NOX4: variants seen among roughly 807,000 people sequenced by gnomAD.
NOX4 encodes NADPH oxidase 4.
A neutral mutation model predicts 87.6 loss-of-function variants in NOX4; 69 were observed. The ratio of observed to expected loss-of-function variants is 0.79; its 90% CI spans 0.65 to 0.96. The LOEUF (loss-of-function observed/expected upper bound fraction) is 0.96, where lower values mean the gene tolerates loss of function less well. Among genes scored for constraint, NOX4 ranks in the 40% least tolerant of loss-of-function variants. The pLI is 0.00. For missense variants in NOX4, 680 were observed against 681.5 expected (o/e 1.00, Z 0.02); for synonymous variants, 275 against 238.2 (o/e 1.15, Z -1.42).
Position 89,490,376 on chromosome 11 carries a change from T to G in NOX4, c.153+82A>C, listed in dbSNP as rs978799074. ...AAGTGAAGAGTGCACATTTCTTTAA[T>G]GAATGGAACTGACCAAACCTGTAGC... On this transcript the variant is annotated intron_variant, in intron 2 of 17. Transcript: ENST00000263317. 3.3e-6 allele frequency: 3 copies of G among 918,146 alleles called. No individual in the cohort carries two copies. In the African/African-American group the frequency reaches 4.9e-5, roughly 15 times the overall value. 56.9% of individuals were successfully genotyped at this position (918,146 alleles called of 1,614,324 possible). A position where few individuals can be genotyped will look rare whatever the true frequency, so the allele number is the denominator to read the frequency against.
chr11:89,397,084 G>C lies in NOX4; in HGVS notation c.1074+2933C>G, dbSNP rs532802386. Among the ~76,000 whole-genome samples the C allele has an allele frequency of 8.6e-5, 13 of 152,028 alleles. No homozygotes were observed. In the South Asian group the frequency reaches 2.7e-3, roughly 32 times the overall value. ...TAGCTGGAAGTAAAGCACTCCTCAG[G>C]AAATGTATAAGAAGAGAAATCACAA... On this transcript the variant is annotated intron_variant, in intron 11 of 17. Transcript: ENST00000263317.
At chr11:89,574,155 C>A in the NOX4 span, among the ~76,000 whole-genome samples, 2 of 152,110 alleles carry the variant, frequency 1.3e-5, no homozygotes, top group Admixed American at 6.6e-5. Flanking sequence ...ATTGTCAAAC[C>A]ATCACTTGAC....
At chr11:89,459,607 G>C (rs951749321) in intron 2 of NOX4, among the ~76,000 whole-genome samples, 4 of 152,050 alleles carry the variant, frequency 2.6e-5, no homozygotes, top group Admixed American at 6.6e-5. Context: ...TACAAGGGAT[G>C]TGAAGGACCT....
At chr11:89,406,688 G>A (rs1316456266) in intron 8 of NOX4, among the ~76,000 whole-genome samples, 4 of 152,044 alleles carry the variant, frequency 2.6e-5, no homozygotes, top group African/African-American at 4.8e-5. Context: ...AGTGGCTATT[G>A]AGCAATTAAA....
rs139434636 is a variant in NOX4, at chr11:89,402,085, T to C, written c.846+241A>G. ...CTCTTGGCTGCAAGCACCAATGCTG[T>C]TGTATGCAAAGGTCATATGGTCAGT... On this transcript the variant is annotated intron_variant, in intron 9 of 17. Transcript: ENST00000263317. Among the ~76,000 whole-genome samples the C allele has an allele frequency of 4.4e-3, 674 of 152,234 alleles. 5 individuals are homozygous for C. Among genetic ancestry groups the C allele is most frequent in the African/African-American group, 0.015 (633 of 41,558 alleles).
intron 11 of NOX4, among the ~76,000 whole-genome samples, chr11:89,386,216 T>C (rs1209067308): frequency 1.3e-5 from 2 of 152,150 alleles, no homozygotes; most frequent in African/African-American, 4.8e-5. Context: ...CCCAGTCTCA[T>C]TCTAGACACC....
At chr11:89,347,855 G>T (rs189640163) in intron 13 of NOX4, among the ~76,000 whole-genome samples, 1 of 152,078 alleles carries the variant, frequency 6.6e-6, no homozygotes. Flanking sequence ...GGCCCCATGC[G>T]GTAGCTCATG....
At chr11:89,359,108 C>T (rs148181106) in intron 12 of NOX4, among the ~76,000 whole-genome samples, 131 of 152,172 alleles carry the variant, frequency 8.6e-4, no homozygotes, top group African/African-American at 2.8e-3. Context: ...GATTATGAGG[C>T]CCTTAGACCT....
At chr11:89,430,900 A>G (rs1268136398) in intron 7 of NOX4, among the ~76,000 whole-genome samples, 1 of 152,176 alleles carries the variant, frequency 6.6e-6, no homozygotes, top group African/African-American at 2.4e-5. Flanking sequence ...TTGCCAAGAC[A>G]ATCCTAAGCC....
At chr11:89,516,002 G>A in the NOX4 span, among the ~76,000 whole-genome samples, 1 of 151,716 alleles carries the variant, frequency 6.6e-6, no homozygotes, top group Non-Finnish European at 1.5e-5. Flanking sequence ...ATTTGCATTG[G>A]CTTTTTGTTT....
intron 7 of NOX4, among the ~76,000 whole-genome samples, chr11:89,425,798 A>T (rs1943365592): frequency 1.3e-5 from 2 of 152,094 alleles, no homozygotes. Context: ...ACAAAGGTTA[A>T]AAACTATAAA....
intron 8 of NOX4, among the ~76,000 whole-genome samples, chr11:89,418,962 C>T (rs923650079): frequency 6.6e-6 from 1 of 151,952 alleles, no homozygotes; most frequent in Non-Finnish European, 1.5e-5. Context: ...ATCTTTGAAG[C>T]CTAATATTTT....
chr11:89,540,040 T>C, the NOX4 span, among the ~76,000 whole-genome samples: 1 of 152,134 alleles, frequency 6.6e-6, no homozygotes, highest in Non-Finnish European at 1.5e-5. Flanking sequence ...TAAGAACAGA[T>C]TAGGCACCTC....
rs548417088 is a variant in NOX4 at position 89,329,457 on chromosome 11, TGA to T, written c.1617-2583_1617-2582del. Among the ~76,000 whole-genome samples the T allele has an allele frequency of 1.9e-4, 21 of 110,326 alleles. 1 individual carries two copies. In the South Asian group the frequency reaches 6.9e-3, roughly 36 times the overall value. The allele number at this position is 110,326 out of a possible 152,430, so 72.4% of individuals were successfully genotyped here. A position where few individuals can be genotyped will look rare whatever the true frequency, so the allele number is the denominator to read the frequency against. On this transcript the variant is annotated intron_variant, in intron 17 of 17. Coordinates refer to ENST00000263317, the MANE Select transcript of NOX4 (RefSeq NM_016931.5). ...AAATACATGTAACTGCAGTCCAACA[TGA>T]GAGAAGACCAAGGGAGAAGAAAAAA...
intron 11 of NOX4, among the ~76,000 whole-genome samples, chr11:89,392,873 T>C (rs1357313475): frequency 1.3e-5 from 2 of 152,122 alleles, no homozygotes; most frequent in Non-Finnish European, 2.9e-5. Flanking sequence ...GATGATGATG[T>C]TTATATGAGT....
At chr11:89,533,445 G>A in the NOX4 span, among the ~76,000 whole-genome samples, 1 of 149,912 alleles carries the variant, frequency 6.7e-6, no homozygotes, top group Non-Finnish European at 1.5e-5. Context: ...TGTAATAATA[G>A]AGGACAGTTT....
At chr11:89,429,179 A>G (rs559701308) in intron 7 of NOX4, among the ~76,000 whole-genome samples, 3 of 152,328 alleles carry the variant, frequency 2.0e-5, no homozygotes, top group South Asian at 2.1e-4. Flanking sequence ...AAGACACAAC[A>G]TACCAGAATC....
At chr11:89,372,343 T>A (rs932475288) in intron 12 of NOX4, among the ~76,000 whole-genome samples, 2 of 152,038 alleles carry the variant, frequency 1.3e-5, no homozygotes, top group African/African-American at 4.8e-5. Flanking sequence ...TGCTGAGGCA[T>A]TCATAATCTT....
intron 8 of NOX4, among the ~76,000 whole-genome samples, chr11:89,419,524 G>A (rs1942974748): frequency 6.6e-6 from 1 of 151,724 alleles, no homozygotes. Flanking sequence ...GTGCACTGTA[G>A]AATGCTTATT....
Sources: allele counts gnomAD v4.1 joint callset (sites outside exome capture counted in the v4.1 genomes callset), GRCh38; gene constraint gnomAD v4.1.1; transcripts MANE v1.5; gene names NCBI Gene and HGNC (gene_info 2026-07-23, HGNC 2026-07-21).